Variants in INA observed in about 807,000 individuals in gnomAD.
INA encodes alpha-internexin.
In INA, 35 loss-of-function variants were observed where a neutral mutation model predicts 40.1. The observed-to-expected ratio is 0.87, with a 90% CI of 0.67 to 1.16. INA has a LOEUF of 1.16. Ranked by LOEUF, INA falls within the 50% of genes most tolerant of loss-of-function variation. The pLI is 0.00. For missense variants in INA, 594 were observed against 686.7 expected (o/e 0.87, Z 1.51); for synonymous variants, 290 against 316.9 (o/e 0.92, Z 0.90).
Position 103,277,389 on chromosome 10 carries a change from C to G in INA, c.178C>G (p.Leu60Val). Residue 60 changes from leucine (L) to valine (V), a missense_variant, in exon 1 of 3, where the codon CTC becomes GTC. Transcript: ENST00000369849. This position sits in a 1 kb window ranked among gnomAD's most constrained non-coding sequence, Gnocchi z 5.6. ...GGCCGCCTGCTCCTCGGCCTCGTCG[C>G]TCGGCCTCGGCCTGGCCTATCGCCG... ...SSAACSSASS[L>V]GLGLAYRRPP... 6.4e-7 allele frequency: 1 copy of G among 1,552,956 alleles called. No homozygotes were observed. Among genetic ancestry groups the G allele is most frequent in the South Asian group, 1.2e-5 (1 of 85,806 alleles).
chr10:103,280,173 A>G (rs1028605458), intron 1 of INA: 11 of 985,342 alleles, frequency 1.1e-5, no homozygotes, highest in Non-Finnish European at 1.2e-6. Context: ...CAGGAAACAA[A>G]CAAAAAACAA....
chr10:103,278,732 G>A lies in INA; in HGVS notation c.1065+456G>A, dbSNP rs1485153111. On this transcript the variant is annotated intron_variant, in intron 1 of 2. Transcript: ENST00000369849. This position sits in a 1 kb window ranked among gnomAD's most constrained non-coding sequence, Gnocchi z 4.9. ...GAGTATGGTCTGCTTCAGGGCTGAA[G>A]GAAGAATGCGATCCTGAACTGGGAA... 1.3e-5 allele frequency among the ~76,000 whole-genome samples: 2 copies of A among 152,160 alleles called. No homozygotes were observed. The highest frequency in any genetic ancestry group is 2.9e-5 in the Non-Finnish European group (2 of 68,034).
At chr10:103,280,037 G>A in intron 1 of INA, 4 of 1,275,362 alleles carry the variant, frequency 3.1e-6, no homozygotes, top group South Asian at 1.3e-5. Flanking sequence ...GCTGAATTGG[G>A]CTTCTCCATT....
chr10:103,282,672 A>G (rs956621332), intron 1 of INA, among the ~76,000 whole-genome samples: 4 of 152,158 alleles, frequency 2.6e-5, no homozygotes, highest in Non-Finnish European at 5.9e-5. Context: ...GGAAGGTGGC[A>G]TTATGTTTAG....
chr10:103,277,382 C>T lies in INA; in HGVS notation c.171C>T (p.Ala57=). ...NVASSAACSS[A]SSLGLGLAYR... The stretch of plus-strand genomic sequence containing the variant: ...CCTCCTCGGCCGCCTGCTCCTCGGC[C>T]TCGTCGCTCGGCCTCGGCCTGGCCT... The change falls in exon 1 of 3, where the codon GCC becomes GCT. Residue 57 remains alanine, a synonymous_variant. Coordinates refer to ENST00000369849, the MANE Select transcript of INA (RefSeq NM_032727.4). The surrounding 1 kb of genome is among the most constrained non-coding windows in gnomAD (Gnocchi z 5.6). 6.4e-7 allele frequency: 1 copy of T among 1,562,136 alleles called. No homozygotes were observed. The highest frequency in any genetic ancestry group is 8.6e-7 in the Non-Finnish European group (1 of 1,161,334).
Position 103,290,205 on chromosome 10 carries a change from C to G in INA, c.*1536C>G, listed in dbSNP as rs1166308840. 6.6e-6 allele frequency: 1 copy of G among 152,654 alleles called. No individual in the cohort carries two copies. Among genetic ancestry groups the G allele is most frequent in the East Asian group, 1.9e-4 (1 of 5,202 alleles). 9.5% of individuals were successfully genotyped at this position (152,654 alleles called of 1,614,324 possible). A position where few individuals can be genotyped will look rare whatever the true frequency, so the allele number is the denominator to read the frequency against. ...GGACATGATGCTTTTACTGAACTTTCTTATCCTAGCACATGCTTCAATAGT... is the reference window on the plus strand; with the variant it reads ...GGACATGATGCTTTTACTGAACTTTGTTATCCTAGCACATGCTTCAATAGT... On this transcript the variant is annotated 3_prime_UTR_variant, in exon 3 of 3. Transcript: ENST00000369849.
In INA at chr10:103,277,199, CG is replaced by C; in HGVS notation, c.-12del. 6.4e-7 allele frequency: 1 copy of C among 1,569,196 alleles called. No individual in the cohort carries two copies. Among genetic ancestry groups the C allele is most frequent in the Non-Finnish European group, 8.6e-7 (1 of 1,162,268 alleles). ...CGCGTTGAAGCCGCACGTCCGGCCC[CG>C]ATCCCGGCACCATGAGCTTCGGCTC... On this transcript the variant is annotated 5_prime_UTR_variant, in exon 1 of 3. Transcript: ENST00000369849. This position sits in a 1 kb window ranked among gnomAD's most constrained non-coding sequence, Gnocchi z 5.6.
At chr10:103,286,794 C>T (rs2093087294) in intron 1 of INA, among the ~76,000 whole-genome samples, 1 of 152,110 alleles carries the variant, frequency 6.6e-6, no homozygotes, top group African/African-American at 2.4e-5. Context: ...GTAAAAGTTC[C>T]CAGTCCTCAC....
chr10:103,280,521 T>C, intron 1 of INA: 2 of 985,452 alleles, frequency 2.0e-6, no homozygotes, highest in Non-Finnish European at 2.4e-6. Flanking sequence ...GCTGTTCTCC[T>C]TCTTCTGCTA....
chr10:103,285,145 G>A (rs949927774), intron 1 of INA, among the ~76,000 whole-genome samples: 12 of 151,506 alleles, frequency 7.9e-5, no homozygotes, highest in Admixed American at 2.0e-4. Context: ...CACCACGCCC[G>A]GCTAATTTTT....
Position 103,282,671 on chromosome 10 carries a change from C to A in INA, c.1066-4364C>A, listed in dbSNP as rs566699921. 1.4e-4 allele frequency among the ~76,000 whole-genome samples: 21 copies of A among 151,956 alleles called. No individual in the cohort carries two copies. The East Asian group carries it at 4.0e-3, about 29-fold the overall frequency. ...GACCCTTAATTGCTGTGGAAGGTGG[C>A]ATTATGTTTAGTGTCCTGATTGTGA... On this transcript the variant is annotated intron_variant, in intron 1 of 2. Coordinates refer to ENST00000369849, the MANE Select transcript of INA (RefSeq NM_032727.4).
At position 103,277,683 on chromosome 10, in the gene INA, A is replaced by C; in HGVS notation, c.472A>C (p.Ser158Arg). Residue 158 changes from serine (S) to arginine (R), a missense_variant, in exon 1 of 3, where the codon AGC becomes CGC. Physicochemically the swap from Ser to Arg is moderately radical, Grantham distance 110 (BLOSUM62 -1). Coordinates refer to ENST00000369849, the MANE Select transcript of INA (RefSeq NM_032727.4). The surrounding 1 kb of genome is among the most constrained non-coding windows in gnomAD (Gnocchi z 5.6). ...RDLRAQLEEA[S>R]SARSQALLER... ...CCTGCGCGCGCAGCTGGAGGAGGCC[A>C]GCTCGGCTCGCTCGCAGGCCCTGCT... The C allele has an allele frequency of 2.2e-6, 3 of 1,374,660 alleles. No individual in the cohort carries two copies. The highest frequency in any genetic ancestry group is 1.7e-5 in the South Asian group (1 of 58,434). 85.2% of individuals were successfully genotyped at this position (1,374,660 alleles called of 1,614,324 possible).
At chr10:103,284,766 AAAG>A (rs1350983456) in intron 1 of INA, among the ~76,000 whole-genome samples, 5 of 152,030 alleles carry the variant, frequency 3.3e-5, no homozygotes, top group Non-Finnish European at 5.9e-5. Flanking sequence ...AAAAAAAAAA[AAAG>A]AAGAAGATAA....
chr10:103,281,725 C>T (rs1272208076), intron 1 of INA, among the ~76,000 whole-genome samples: 1 of 152,216 alleles, frequency 6.6e-6, no homozygotes, highest in East Asian at 1.9e-4. Flanking sequence ...TGACCCAGGG[C>T]CCCCAAACGT....
chr10:103,281,000 A>G, intron 1 of INA: 1 of 863,956 alleles, frequency 1.2e-6, no homozygotes, highest in Non-Finnish European at 1.4e-6. Flanking sequence ...CTGAATGATC[A>G]AGATCACCGC....
Position 103,289,646 on chromosome 10 carries a change from T to A in INA, c.*977T>A, listed in dbSNP as rs2093095282. Reference sequence around the variant, plus strand: ...AGCCAAGGTGTCATTTATGTGTCAGTTCATTTGTGGTGATATAGAATTAGC... The same window carrying A: ...AGCCAAGGTGTCATTTATGTGTCAGATCATTTGTGGTGATATAGAATTAGC... On this transcript the variant is annotated 3_prime_UTR_variant, in exon 3 of 3. Transcript: ENST00000369849. The A allele has an allele frequency of 6.6e-6, 1 of 152,440 alleles. No homozygotes were observed. The highest frequency in any genetic ancestry group is 6.5e-5 in the Admixed American group (1 of 15,276). 9.4% of individuals were successfully genotyped at this position (152,440 alleles called of 1,614,324 possible).
Position 103,277,708 on chromosome 10 carries a change from T to A in INA, c.497T>A (p.Leu166Gln). The stretch of plus-strand genomic sequence containing the variant: ...AGCTCGGCTCGCTCGCAGGCCCTGC[T>A]GGAGCGCGACGGGCTGGCGGAGGAG... ...EASSARSQAL[L>Q]ERDGLAEEVQ... Residue 166 changes from leucine to glutamine, a missense_variant, in exon 1 of 3, where the codon CTG (leucine) becomes CAG (glutamine). By Grantham distance (113) the Leu-to-Gln change is moderately radical. Transcript: ENST00000369849. The surrounding 1 kb of genome is among the most constrained non-coding windows in gnomAD (Gnocchi z 5.6). 1 of 1,388,134 alleles carries A rather than the reference T, an allele frequency of 7.2e-7. No individual in the cohort carries two copies. Among genetic ancestry groups the A allele is most frequent in the Non-Finnish European group, 9.2e-7 (1 of 1,083,320 alleles). 86.0% of individuals were successfully genotyped at this position (1,388,134 alleles called of 1,614,324 possible).
chr10:103,278,388 A>G lies in INA; in HGVS notation c.1065+112A>G, dbSNP rs964342576. The G allele has an allele frequency of 7.9e-6, 7 of 881,448 alleles. No homozygotes were observed. The highest frequency in any genetic ancestry group is 1.7e-5 in the African/African-American group (1 of 58,990). The allele number at this position is 881,448 out of a possible 1,614,324, so 54.6% of individuals were successfully genotyped here. On this transcript the variant is annotated intron_variant, in intron 1 of 2. Coordinates refer to ENST00000369849, the MANE Select transcript of INA (RefSeq NM_032727.4). This position sits in a 1 kb window ranked among gnomAD's most constrained non-coding sequence, Gnocchi z 4.9. The stretch of plus-strand genomic sequence containing the variant: ...TTAAGGGGAGGGCAAAAGAGAGGAG[A>G]GAAGAGCCGCGGCTGGAGGCGCTGG...
chr10:103,278,199 C>A lies in INA; in HGVS notation c.988C>A (p.Arg330Ser). 6.2e-7 allele frequency: 1 copy of A among 1,605,990 alleles called. No individual in the cohort carries two copies. Among genetic ancestry groups the A allele is most frequent in the Non-Finnish European group, 8.5e-7 (1 of 1,176,894 alleles). Residue 330 changes from arginine to serine, a missense_variant, in exon 1 of 3, where the codon CGC becomes AGC. Physicochemically the swap from Arg to Ser is moderately radical, Grantham distance 110. Around this residue, in one of 2 missense-constraint regions of INA, gnomAD observed 379 missense variants for 496.1 expected, o/e 0.76. Coordinates refer to ENST00000369849, the MANE Select transcript of INA (RefSeq NM_032727.4). This position sits in a 1 kb window ranked among gnomAD's most constrained non-coding sequence, Gnocchi z 4.9. ...GCGCACCATCGAGATCGAGGGCCTG[C>A]GCGGGGCCAACGAGTCCTTGGAGAG... ...QARTIEIEGL[R>S]GANESLERQI...
Sources: gnomAD v4.1 joint callset for allele counts (sites outside exome capture counted in the v4.1 genomes callset) on GRCh38, gnomAD v4.1.1 for gene constraint, gnomAD v4.1.1 regional missense constraint, Gnocchi (gnomAD v3.1) non-coding constraint, MANE v1.5 for transcripts, NCBI Gene and HGNC (gene_info 2026-07-23, HGNC 2026-07-21) for gene names.